SH3BGRL2: variants seen among roughly 807,000 people sequenced by gnomAD.
SH3BGRL2 encodes SH3 domain binding glutamate rich protein like 2, also known as SH3 domain-binding glutamic acid-rich-like protein 2.
A neutral mutation model predicts 14.8 loss-of-function variants in SH3BGRL2; 21 were observed. The ratio of observed to expected loss-of-function variants is 1.42; its 90% CI spans 1.01 to 2.05. SH3BGRL2 has a LOEUF of 2.05. SH3BGRL2 is among the 30% of genes most tolerant of loss of function. The pLI, the probability that SH3BGRL2 is intolerant of heterozygous loss-of-function variation, is 0.00. For missense variants in SH3BGRL2, 147 were observed against 130.8 expected, an observed-to-expected ratio of 1.12 and a Z score of -0.61; for synonymous variants, 50 against 47.8, an observed-to-expected ratio of 1.05 and a Z score of -0.19.
At chr6:79,632,739 A>G (rs1321481819) in intron 1 of SH3BGRL2, among the ~76,000 whole-genome samples, 1 of 152,188 alleles carries the variant, frequency 6.6e-6, no homozygotes, top group Non-Finnish European at 1.5e-5. Flanking sequence ...GACTTCTGAC[A>G]GTTTCTGGTG....
chr6:79,634,908 G>C (rs1319384716), intron 1 of SH3BGRL2, among the ~76,000 whole-genome samples: 1 of 152,158 alleles, frequency 6.6e-6, no homozygotes, highest in Non-Finnish European at 1.5e-5. Context: ...AACTGGGTTG[G>C]ATTTGGAGCC....
the SH3BGRL2 span, among the ~76,000 whole-genome samples, chr6:79,590,868 A>T: frequency 2.4e-4 from 37 of 152,310 alleles, no homozygotes; most frequent in Admixed American, 2.4e-3. Context: ...TTCACTGTGG[A>T]ATATTTTGAC....
chr6:79,690,474 T>C (rs938203432), intron 2 of SH3BGRL2, among the ~76,000 whole-genome samples: 13 of 152,162 alleles, frequency 8.5e-5, no homozygotes, highest in African/African-American at 3.1e-4. Context: ...CAGGAATACT[T>C]AGGCTGGGCT....
At chr6:79,591,888 C>A in the SH3BGRL2 span, among the ~76,000 whole-genome samples, 15 of 152,176 alleles carry the variant, frequency 9.9e-5, no homozygotes, top group Admixed American at 9.8e-4. Context: ...CTAATCCTCA[C>A]ACTGGTATTA....
At chr6:79,546,249 A>C in the SH3BGRL2 span, among the ~76,000 whole-genome samples, 2 of 152,222 alleles carry the variant, frequency 1.3e-5, no homozygotes, top group South Asian at 4.1e-4. Context: ...TTTTTTCCAG[A>C]TAATACAAAT....
At chr6:79,674,967 G>A (rs541575557) in intron 2 of SH3BGRL2, among the ~76,000 whole-genome samples, 3 of 152,090 alleles carry the variant, frequency 2.0e-5, no homozygotes, top group East Asian at 1.9e-4. Context: ...TATTTTATGG[G>A]GTTTTTAATA....
At chr6:79,590,559 A>G in the SH3BGRL2 span, among the ~76,000 whole-genome samples, 2 of 150,920 alleles carry the variant, frequency 1.3e-5, no homozygotes, top group Non-Finnish European at 1.5e-5. Flanking sequence ...TAAGTAAACA[A>G]TGCAGGAACA....
the SH3BGRL2 span, among the ~76,000 whole-genome samples, chr6:79,582,986 A>T: frequency 2.6e-5 from 4 of 152,248 alleles, no homozygotes; most frequent in Non-Finnish European, 5.9e-5. Context: ...ATGAACAGAC[A>T]CTTCTCAAAA....
At chr6:79,648,133 A>G (rs1769179082) in intron 1 of SH3BGRL2, among the ~76,000 whole-genome samples, 1 of 150,916 alleles carries the variant, frequency 6.6e-6, no homozygotes, top group Non-Finnish European at 1.5e-5. Flanking sequence ...TCAGAAACCT[A>G]GAAAAACTTC....
At chr6:79,555,469 T>C in the SH3BGRL2 span, among the ~76,000 whole-genome samples, 1 of 152,098 alleles carries the variant, frequency 6.6e-6, no homozygotes. Flanking sequence ...AAAAAAATCT[T>C]AAACTGCACT....
intron 1 of SH3BGRL2, among the ~76,000 whole-genome samples, chr6:79,651,603 G>A (rs200825243): frequency 1.5e-4 from 7 of 47,114 alleles, no homozygotes; most frequent in African/African-American, 2.3e-4. Flanking sequence ...TACATCAAAC[G>A]GGAATAAATC....
intron 2 of SH3BGRL2, among the ~76,000 whole-genome samples, chr6:79,691,334 TTTTG>T (rs903296121): frequency 6.6e-6 from 1 of 150,900 alleles, no homozygotes; most frequent in Non-Finnish European, 1.5e-5. Context: ...TTTGTTTTGT[TTTTG>T]TTTTTTTTTG....
intron 2 of SH3BGRL2, among the ~76,000 whole-genome samples, chr6:79,693,488 G>T (rs1401983233): frequency 6.6e-6 from 1 of 150,714 alleles, no homozygotes; most frequent in Non-Finnish European, 1.5e-5. Context: ...GATATTGGCT[G>T]TGGGTTTGTC....
intron 1 of SH3BGRL2, among the ~76,000 whole-genome samples, chr6:79,655,572 G>A (rs931823859): frequency 2.0e-5 from 3 of 151,928 alleles, no homozygotes; most frequent in Non-Finnish European, 4.4e-5. Context: ...CACCCCTTTA[G>A]CAACGGGTCC....
At chr6:79,691,219 C>T (rs1770207418) in intron 2 of SH3BGRL2, among the ~76,000 whole-genome samples, 1 of 152,046 alleles carries the variant, frequency 6.6e-6, no homozygotes, top group African/African-American at 2.4e-5. Flanking sequence ...CATGTAGGGC[C>T]TTTCATATTA....
At chr6:79,671,911 T>C (rs1215610664) in intron 1 of SH3BGRL2, among the ~76,000 whole-genome samples, 1 of 152,250 alleles carries the variant, frequency 6.6e-6, no homozygotes, top group Non-Finnish European at 1.5e-5. Context: ...ACTTGAAAAC[T>C]TCCTTCTACG....
At position 79,701,464 on chromosome 6, in the gene SH3BGRL2, G is replaced by A. The variant is rs1054548826; in HGVS notation, c.*1955G>A. 3.3e-5 allele frequency: 5 copies of A among 152,098 alleles called. No individual in the cohort carries two copies. Among genetic ancestry groups the A allele is most frequent in the African/African-American group, 1.2e-4 (5 of 41,422 alleles). The allele number at this position is 152,098 out of a possible 1,614,324, so 9.4% of individuals were successfully genotyped here. On this transcript the variant is annotated 3_prime_UTR_variant, in exon 4 of 4. Transcript: ENST00000369838. ...GGGTTATAGGATCAATACCATACTT[G>A]CTAGACAAAGCTACCCAGATTTGTC...
At chr6:79,668,280 G>A (rs1190210239) in intron 1 of SH3BGRL2, among the ~76,000 whole-genome samples, 3 of 152,122 alleles carry the variant, frequency 2.0e-5, no homozygotes, top group African/African-American at 2.4e-5. Context: ...GCTGAGTCAC[G>A]TGCAAGGTAA....
intron 2 of SH3BGRL2, among the ~76,000 whole-genome samples, chr6:79,690,350 G>A (rs1770187752): frequency 6.6e-6 from 1 of 152,070 alleles, no homozygotes; most frequent in African/African-American, 2.4e-5. Context: ...CAAGAACAGG[G>A]ACAGCATTTT....
Sources: gnomAD v4.1 joint callset for allele counts (sites outside exome capture counted in the v4.1 genomes callset) on GRCh38, gnomAD v4.1.1 for gene constraint, MANE v1.5 for transcripts, NCBI Gene and HGNC (gene_info 2026-07-23, HGNC 2026-07-21) for gene names.